The following DOCK1 variants were observed in gnomAD, a reference collection of about 807,000 sequenced individuals.
DOCK1 encodes dedicator of cytokinesis protein 1.
DOCK1 carries 138 observed loss-of-function variants against 262.7 expected under a neutral mutation model. That is an observed-to-expected ratio of 0.53 (90% confidence interval 0.46 to 0.61). The LOEUF (loss-of-function observed/expected upper bound fraction) is 0.61, where lower values mean the gene tolerates loss of function less well. DOCK1 is among the 20% of genes least tolerant of loss of function. The probability of loss-of-function intolerance (pLI) is 0.00; values close to 1 mark genes in which losing one functional copy is unlikely to be tolerated. For missense variants in DOCK1, 1,908 were observed against 2,370.7 expected (o/e 0.80, Z 4.05); for synonymous variants, 866 against 867.4 (o/e 1.00, Z 0.03).
chr10:127,161,076 A>C (rs1419132562), intron 27 of DOCK1, among the ~76,000 whole-genome samples: 1 of 152,206 alleles, frequency 6.6e-6, no homozygotes, highest in Non-Finnish European at 1.5e-5. Flanking sequence ...AGCCACTCTG[A>C]GCAGTAGATT....
chr10:127,373,739 C>G, intron 33 of DOCK1, 42 bp from the exon 34 acceptor site: 1 of 1,515,506 alleles, frequency 6.6e-7, no homozygotes, highest in Non-Finnish European at 9.0e-7. Flanking sequence ...AAATGAAATA[C>G]TCGCCATGCT....
At chr10:127,072,361 A>G (rs2046281038) in intron 23 of DOCK1, among the ~76,000 whole-genome samples, 1 of 152,170 alleles carries the variant, frequency 6.6e-6, no homozygotes, top group African/African-American at 2.4e-5. Context: ...GTTCCATTGG[A>G]GTGAGCAAGG....
At position 126,945,575 on chromosome 10, in the gene DOCK1, G is replaced by A. The variant is rs925569090; in HGVS notation, c.47-25127G>A. ...ACTGGCAGTATTTTATTGGCTAGAA[G>A]TGAGTCACTAGGTCCAGCCCATACT... On this transcript the variant is annotated intron_variant, in intron 1 of 51. Transcript: ENST00000623213. 6.7e-4 allele frequency among the ~76,000 whole-genome samples: 102 copies of A among 152,294 alleles called. 1 individual carries two copies. The highest frequency in any genetic ancestry group is 2.2e-3 in the African/African-American group (92 of 41,562).
At chr10:126,954,209 T>A (rs1031624913) in intron 1 of DOCK1, among the ~76,000 whole-genome samples, 2 of 152,172 alleles carry the variant, frequency 1.3e-5, no homozygotes, top group African/African-American at 4.8e-5. Flanking sequence ...TATTAAAATA[T>A]AACATTGCTC....
chr10:127,109,566 G>C (rs376880957), intron 24 of DOCK1, among the ~76,000 whole-genome samples: 1 of 152,032 alleles, frequency 6.6e-6, no homozygotes, highest in East Asian at 1.9e-4. Flanking sequence ...AGGTAACCCC[G>C]AATCTCTTTT....
intron 29 of DOCK1, among the ~76,000 whole-genome samples, chr10:127,312,252 T>G (rs2062089524): frequency 6.6e-6 from 1 of 152,158 alleles, no homozygotes; most frequent in African/African-American, 2.4e-5. Context: ...CCAGCACTCT[T>G]GAGAGGCAGT....
At chr10:127,113,356 G>T (rs551257961) in intron 25 of DOCK1, among the ~76,000 whole-genome samples, 1 of 152,302 alleles carries the variant, frequency 6.6e-6, no homozygotes, top group South Asian at 2.1e-4. Context: ...CTTCGTGGGG[G>T]CTCCCTGGGT....
intron 38 of DOCK1, among the ~76,000 whole-genome samples, chr10:127,385,793 C>T (rs903297018): frequency 6.6e-6 from 1 of 152,170 alleles, no homozygotes; most frequent in Admixed American, 6.5e-5. Context: ...TGGCACTGGT[C>T]ATCTGTAACC....
At chr10:127,024,515 C>A (rs747143577) in intron 14 of DOCK1, among the ~76,000 whole-genome samples, 170 bp from the exon 15 acceptor site, 1 of 152,030 alleles carries the variant, frequency 6.6e-6, no homozygotes, top group Non-Finnish European at 1.5e-5. Flanking sequence ...TGGAGCTGGC[C>A]GCTGGCTTCA....
At chr10:127,127,989 A>C in intron 27 of DOCK1, 1 of 339,240 alleles carries the variant, frequency 2.9e-6, no homozygotes, top group Non-Finnish European at 5.3e-6. Context: ...TTACTTACTT[A>C]TAGCAAAAGA....
chr10:127,146,973 G>T lies in DOCK1; in HGVS notation c.2847+19209G>T, dbSNP rs186157489. Among the ~76,000 whole-genome samples, 19 of 152,338 alleles carry T rather than the reference G, an allele frequency of 1.2e-4. No homozygotes were observed. The East Asian group carries it at 3.5e-3, about 28-fold the overall frequency. ...TTGCAATACACTCGGAATCAGTGAA[G>T]TGCCAGTGTGCGTGATTTTATCTAG... On this transcript the variant is annotated intron_variant, in intron 27 of 51. Transcript: ENST00000623213.
At chr10:126,945,276 CATG>C (rs1224255586) in intron 1 of DOCK1, among the ~76,000 whole-genome samples, 1 of 151,962 alleles carries the variant, frequency 6.6e-6, no homozygotes, top group Non-Finnish European at 1.5e-5. Context: ...TCTGAGCTCA[CATG>C]GTGGTGTTGG....
chr10:127,059,049 A>G (rs2045358999), intron 22 of DOCK1, among the ~76,000 whole-genome samples: 2 of 152,014 alleles, frequency 1.3e-5, no homozygotes, highest in Non-Finnish European at 2.9e-5. Context: ...AAAATGATTT[A>G]TTTCATCTTT....
At position 127,409,029 on chromosome 10, in the gene DOCK1, C is replaced by G. The variant is rs765337221; in HGVS notation, c.4123-8C>G. 3.8e-6 allele frequency: 6 copies of G among 1,576,106 alleles called. No homozygotes were observed. The highest frequency in any genetic ancestry group is 4.3e-6 in the Non-Finnish European group (5 of 1,159,788). ...GTGGTGTTATGAAATGAATGTCACCCTTTTCAGGGAAAAGTTTTCATTTAC... is the reference window on the plus strand; with the variant it reads ...GTGGTGTTATGAAATGAATGTCACCGTTTTCAGGGAAAAGTTTTCATTTAC... On this transcript the variant is annotated splice_region_variant and splice_polypyrimidine_tract_variant and intron_variant, in intron 40 of 51. Transcript: ENST00000623213.
At chr10:126,947,142 T>C (rs1220848584) in intron 1 of DOCK1, among the ~76,000 whole-genome samples, 2 of 152,190 alleles carry the variant, frequency 1.3e-5, no homozygotes, top group African/African-American at 4.8e-5. Flanking sequence ...TTTCATAGGG[T>C]TGATATGGGA....
intron 27 of DOCK1, among the ~76,000 whole-genome samples, chr10:127,178,806 G>A (rs1193810173): frequency 6.6e-6 from 1 of 152,202 alleles, no homozygotes; most frequent in Non-Finnish European, 1.5e-5. Context: ...GGAGGGACAA[G>A]GCGTGCCTGC....
chr10:127,392,341 G>A (rs1016459558), intron 38 of DOCK1, among the ~76,000 whole-genome samples: 23 of 152,112 alleles, frequency 1.5e-4, no homozygotes, highest in Non-Finnish European at 2.8e-4. Flanking sequence ...CAGGGCCTGT[G>A]CTGACTTAAG....
intron 30 of DOCK1, among the ~76,000 whole-genome samples, chr10:127,342,695 T>A (rs1036282154): frequency 1.3e-5 from 2 of 152,248 alleles, no homozygotes; most frequent in Non-Finnish European, 2.9e-5. Context: ...TCTCCTTTGA[T>A]ATAATACATA....
chr10:127,061,770 G>A lies in DOCK1; in HGVS notation c.2439G>A (p.Arg813=), dbSNP rs558498254. The change falls in exon 23 of 52, where the codon CGG becomes CGA. Residue 813 remains arginine, a synonymous_variant. Coordinates refer to ENST00000623213, the MANE Select transcript of DOCK1 (RefSeq NM_001290223.2). ...GCAGCATGTCAGACCAGACCGTCCG[G>A]GTGAAGGTGAGTGCCGGCCACTGCC... The part of the protein sequence containing the change: ...MMSSMSDQTV[R]VKGAALKYLP... 8 of 1,583,258 alleles carry A rather than the reference G, an allele frequency of 5.1e-6. No homozygotes were observed. Among genetic ancestry groups the A allele is most frequent in the Non-Finnish European group, 6.9e-6 (8 of 1,164,586 alleles).
Sources: allele counts gnomAD v4.1 joint callset (sites outside exome capture counted in the v4.1 genomes callset), GRCh38; gene constraint gnomAD v4.1.1; transcripts MANE v1.5; gene names NCBI Gene and HGNC (gene_info 2026-07-23, HGNC 2026-07-21).